Variants in SLC25A21 observed in about 807,000 individuals in gnomAD.
The protein encoded by SLC25A21 is solute carrier family 25 member 21, also known as mitochondrial 2-oxodicarboxylate carrier.
A neutral mutation model predicts 43.8 loss-of-function variants in SLC25A21; 47 were observed. The ratio of observed to expected loss-of-function variants is 1.07; its 90% CI spans 0.85 to 1.37. The LOEUF (loss-of-function observed/expected upper bound fraction) is 1.37, where lower values mean the gene tolerates loss of function less well. SLC25A21 is among the 40% of genes most tolerant of loss of function. The pLI is 0.00. For synonymous variants in SLC25A21, 131 were observed against 121.3 expected, an observed-to-expected ratio of 1.08 and a Z score of -0.52; for missense variants, 352 against 350.2, an observed-to-expected ratio of 1.00 and a Z score of -0.04.
intron 1 of SLC25A21, among the ~76,000 whole-genome samples, chr14:37,031,145 T>C (rs1235690319): frequency 1.3e-5 from 2 of 152,164 alleles, no homozygotes; most frequent in Admixed American, 6.5e-5. Context: ...TACTAAAGAA[T>C]GGCATGAAAC....
At chr14:36,954,216 C>A (rs1566767006) in intron 1 of SLC25A21, among the ~76,000 whole-genome samples, 1 of 152,092 alleles carries the variant, frequency 6.6e-6, no homozygotes, top group Admixed American at 6.6e-5. Flanking sequence ...TTTGTAATTT[C>A]TGCCTCATGT....
At chr14:36,715,474 C>T (rs564440332) in intron 6 of SLC25A21, among the ~76,000 whole-genome samples, 3 of 152,276 alleles carry the variant, frequency 2.0e-5, no homozygotes, top group Admixed American at 2.0e-4. Context: ...CCAAATGATT[C>T]CAATACTATC....
intron 4 of SLC25A21, among the ~76,000 whole-genome samples, chr14:36,733,694 G>C (rs547884035): frequency 3.5e-4 from 54 of 152,276 alleles, no homozygotes; most frequent in African/African-American, 1.3e-3. Flanking sequence ...TGCTTGGAAA[G>C]TAAGTCTTTA....
chr14:36,947,100 A>C (rs1892696314), intron 1 of SLC25A21, among the ~76,000 whole-genome samples: 1 of 152,208 alleles, frequency 6.6e-6, no homozygotes, highest in Non-Finnish European at 1.5e-5. Context: ...TAGCCTTTTG[A>C]AACAGCCCAT....
intron 1 of SLC25A21, among the ~76,000 whole-genome samples, chr14:37,108,117 GC>G (rs1374127015): frequency 1.3e-5 from 2 of 152,010 alleles, no homozygotes; most frequent in Non-Finnish European, 2.9e-5. Context: ...TTCTCTTTTT[GC>G]CTCCCAAGAT....
intron 3 of SLC25A21, among the ~76,000 whole-genome samples, chr14:36,779,772 T>C (rs577085338): frequency 1.3e-5 from 2 of 151,406 alleles, no homozygotes; most frequent in Non-Finnish European, 3.0e-5. Context: ...AGTACAGATA[T>C]CTCTTTGAGA....
intron 7 of SLC25A21, among the ~76,000 whole-genome samples, chr14:36,688,459 C>T (rs1333157660): frequency 1.3e-5 from 2 of 152,328 alleles, no homozygotes; most frequent in Admixed American, 6.5e-5. Flanking sequence ...CCAAGATGCT[C>T]GGAGCTGAAG....
chr14:37,042,540 C>T (rs948803971), intron 1 of SLC25A21, among the ~76,000 whole-genome samples: 2 of 152,114 alleles, frequency 1.3e-5, no homozygotes, highest in African/African-American at 4.8e-5. Context: ...CAAAAATACT[C>T]TTTAGATATA....
intron 1 of SLC25A21, among the ~76,000 whole-genome samples, chr14:36,890,023 T>C (rs530889710): frequency 8.5e-5 from 13 of 152,338 alleles, no homozygotes; most frequent in South Asian, 4.1e-4. Flanking sequence ...ACTGTGTACA[T>C]AGTGCTTCCA....
In SLC25A21 at chr14:36,684,939, A is replaced by C; in HGVS notation, c.604-14T>G. On this transcript the variant is annotated splice_polypyrimidine_tract_variant and intron_variant, in intron 7 of 9. Coordinates refer to ENST00000331299, the MANE Select transcript of SLC25A21 (RefSeq NM_030631.4). ...CAAGATTGGATCCTAAAAGAAAAGAAGAATAATATAACAGAAAGGGGAGCG... is the reference window on the plus strand; with the variant it reads ...CAAGATTGGATCCTAAAAGAAAAGACGAATAATATAACAGAAAGGGGAGCG... 2 of 1,603,938 alleles carry C rather than the reference A, an allele frequency of 1.2e-6. No homozygotes were observed. Among genetic ancestry groups the C allele is most frequent in the Non-Finnish European group, 1.7e-6 (2 of 1,176,094 alleles).
At chr14:37,039,776 A>G (rs1025329294) in intron 1 of SLC25A21, among the ~76,000 whole-genome samples, 2 of 152,188 alleles carry the variant, frequency 1.3e-5, no homozygotes, top group African/African-American at 4.8e-5. Context: ...GTAACTTGAC[A>G]ATTACTGTAG....
chr14:36,867,993 C>A (rs989077358), intron 2 of SLC25A21, among the ~76,000 whole-genome samples: 1 of 151,836 alleles, frequency 6.6e-6, no homozygotes, highest in African/African-American at 2.4e-5. Flanking sequence ...TTTACACACA[C>A]ACAAACACCA....
intron 1 of SLC25A21, among the ~76,000 whole-genome samples, chr14:37,055,555 G>A (rs1337711640): frequency 1.3e-5 from 2 of 152,138 alleles, no homozygotes; most frequent in Admixed American, 6.5e-5. Context: ...TGGGCCTCTT[G>A]AAACATTCTT....
intron 5 of SLC25A21, among the ~76,000 whole-genome samples, chr14:36,729,280 T>C (rs1274699353): frequency 2.0e-5 from 3 of 152,222 alleles, no homozygotes; most frequent in Non-Finnish European, 2.9e-5. Context: ...ATATCTCATA[T>C]GGGGCCTTTC....
chr14:36,904,368 T>C (rs1891477671), intron 1 of SLC25A21, among the ~76,000 whole-genome samples: 1 of 152,158 alleles, frequency 6.6e-6, no homozygotes. Flanking sequence ...TACAGAATGG[T>C]TTTTCCCTTA....
At chr14:37,065,197 T>C (rs528543009) in intron 1 of SLC25A21, among the ~76,000 whole-genome samples, 1 of 151,898 alleles carries the variant, frequency 6.6e-6, no homozygotes, top group African/African-American at 2.4e-5. Flanking sequence ...AGCTGAGGAG[T>C]GTGTGAGGGG....
intron 1 of SLC25A21, among the ~76,000 whole-genome samples, chr14:36,993,074 T>G (rs1407947121): frequency 6.6e-6 from 1 of 152,242 alleles, no homozygotes; most frequent in Non-Finnish European, 1.5e-5. Context: ...AGTGAACATA[T>G]TTATTATTGC....
intron 5 of SLC25A21, among the ~76,000 whole-genome samples, chr14:36,728,337 A>C (rs1386391315): frequency 6.6e-6 from 1 of 152,240 alleles, no homozygotes; most frequent in Admixed American, 6.5e-5. Context: ...ACATGGTACC[A>C]ATGTTTGACA....
chr14:36,821,632 C>A (rs1004148139), intron 2 of SLC25A21, among the ~76,000 whole-genome samples: 1 of 152,038 alleles, frequency 6.6e-6, no homozygotes, highest in East Asian at 1.9e-4. Context: ...GCCTGGCCAA[C>A]ATGGTGAAAC....
Sources: allele counts gnomAD v4.1 joint callset (sites outside exome capture counted in the v4.1 genomes callset), GRCh38; gene constraint gnomAD v4.1.1; transcripts MANE v1.5; gene names NCBI Gene and HGNC (gene_info 2026-07-23, HGNC 2026-07-21).